Variants in AGAP1 observed in about 807,000 individuals in gnomAD.
AGAP1 encodes ArfGAP with GTPase domain, ankyrin repeat and PH domain 1.
Under a neutral mutation model 105.3 loss-of-function variants are expected in AGAP1, and 29 were observed. That is an observed-to-expected ratio of 0.28 (90% CI 0.21 to 0.38). The LOEUF (loss-of-function observed/expected upper bound fraction) is 0.38, where lower values mean the gene tolerates loss of function less well. AGAP1 is among the 10% of genes least tolerant of loss of function. AGAP1 has a pLI of 1.00. For missense variants in AGAP1, 998 were observed against 1,165.1 expected (o/e 0.86, Z 2.09); for synonymous variants, 509 against 485.9 (o/e 1.05, Z -0.63).
chr2:235,806,983 G>A (rs1204868217), intron 8 of AGAP1, among the ~76,000 whole-genome samples: 7 of 152,114 alleles, frequency 4.6e-5, no homozygotes, highest in African/African-American at 1.7e-4. Flanking sequence ...GTTGAATTTT[G>A]AACTTTTTAA....
chr2:235,607,147 A>C (rs1945969469), intron 1 of AGAP1, among the ~76,000 whole-genome samples: 1 of 151,974 alleles, frequency 6.6e-6, no homozygotes, highest in South Asian at 2.1e-4. Context: ...AAGGGGCAGA[A>C]GTGGGACCAC....
rs1454695329 is a variant in AGAP1 at position 235,927,196 on chromosome 2, A to G, written c.1325-3569A>G. 1.3e-5 allele frequency among the ~76,000 whole-genome samples: 2 copies of G among 152,174 alleles called. No homozygotes were observed. Among genetic ancestry groups the G allele is most frequent in the Admixed American group, 6.5e-5 (1 of 15,278 alleles). ...GGGCCTTCACGAGCTATAGGGCTCT[A>G]AGAGTCTGCCGTCAGAAGGATTGTG... On this transcript the variant is annotated intron_variant, in intron 11 of 17. Transcript: ENST00000304032. This position sits in a 1 kb window ranked among gnomAD's most constrained non-coding sequence, Gnocchi z 4.4.
Position 235,883,349 on chromosome 2 carries a change from T to A in AGAP1, c.1055T>A (p.Met352Lys). The A allele has an allele frequency of 6.2e-7, 1 of 1,613,988 alleles. No individual in the cohort carries two copies. The highest frequency in any genetic ancestry group is 8.5e-7 in the Non-Finnish European group (1 of 1,179,938). ...SGRAIPIKQG[M>K]LLKRSGKSLN... ...TTGGCTCTTTTTCCCTTGTAGGGCATGCTGTTGAAGCGAAGTGGCAAATCG... is the reference window on the plus strand; with the variant it reads ...TTGGCTCTTTTTCCCTTGTAGGGCAAGCTGTTGAAGCGAAGTGGCAAATCG... Residue 352 changes from methionine (M) to lysine (K), a missense_variant, in exon 10 of 18, where the codon ATG becomes AAG. Met to Lys is a moderately conservative substitution (Grantham distance 95). This residue lies in a region of AGAP1 where 735 missense variants were observed against 833.4 expected (regional missense o/e 0.88). Coordinates refer to ENST00000304032, the MANE Select transcript of AGAP1 (RefSeq NM_001037131.3). The surrounding 1 kb of genome is among the most constrained non-coding windows in gnomAD (Gnocchi z 4.5).
intron 13 of AGAP1, among the ~76,000 whole-genome samples, chr2:235,980,069 T>G (rs1237574215): frequency 6.6e-6 from 1 of 152,210 alleles, no homozygotes; most frequent in Non-Finnish European, 1.5e-5. Flanking sequence ...AATGATCTTA[T>G]TACAGTACTG....
Position 236,101,576 on chromosome 2 carries a change from G to A in AGAP1, c.2115-18616G>A, listed in dbSNP as rs1001876139. 1.3e-5 allele frequency among the ~76,000 whole-genome samples: 2 copies of A among 152,176 alleles called. No individual in the cohort carries two copies. Among genetic ancestry groups the A allele is most frequent in the African/African-American group, 4.8e-5 (2 of 41,444 alleles). On this transcript the variant is annotated intron_variant, in intron 16 of 17. Coordinates refer to ENST00000304032, the MANE Select transcript of AGAP1 (RefSeq NM_001037131.3). This position sits in a 1 kb window ranked among gnomAD's most constrained non-coding sequence, Gnocchi z 4.9. ...TTCCTCTCCCTGGTGTTTAAAGGGC[G>A]TCGGTGCACGTACAGCGAGGGCTTA...
At chr2:235,984,065 C>G (rs2055202378) in intron 13 of AGAP1, among the ~76,000 whole-genome samples, 1 of 152,206 alleles carries the variant, frequency 6.6e-6, no homozygotes, top group South Asian at 2.1e-4. Context: ...AACTCCCCAG[C>G]CCCTACTTCT....
chr2:235,624,608 C>T (rs1946582202), intron 1 of AGAP1, among the ~76,000 whole-genome samples: 1 of 152,166 alleles, frequency 6.6e-6, no homozygotes, highest in Non-Finnish European at 1.5e-5. Flanking sequence ...TGTGTGCTGG[C>T]ATTGTAATGT....
rs115773833 is a variant in AGAP1 at position 235,755,901 on chromosome 2, T to C, written c.673+5413T>C. 3.7e-3 allele frequency among the ~76,000 whole-genome samples: 566 copies of C among 152,262 alleles called. 3 individuals carry two copies. The highest frequency in any genetic ancestry group is 0.013 in the African/African-American group (544 of 41,568). On this transcript the variant is annotated intron_variant, in intron 6 of 17. Transcript: ENST00000304032. ...GAAGGGTATAGTTTTGGTGATGGGATTTTTCAGCCTACATGCTGAAAGGTC... is the reference window on the plus strand; with the variant it reads ...GAAGGGTATAGTTTTGGTGATGGGACTTTTCAGCCTACATGCTGAAAGGTC...
rs574662549 is a variant in AGAP1, at chr2:235,988,472, G to A, written c.1645+19849G>A. Among the ~76,000 whole-genome samples, 22 of 151,832 alleles carry A rather than the reference G, an allele frequency of 1.4e-4. 1 individual carries two copies. In the South Asian group the frequency reaches 3.5e-3, roughly 24 times the overall value. On this transcript the variant is annotated intron_variant, in intron 13 of 17. Coordinates refer to ENST00000304032, the MANE Select transcript of AGAP1 (RefSeq NM_001037131.3). The surrounding 1 kb of genome is among the most constrained non-coding windows in gnomAD (Gnocchi z 4.7). ...AAATGCCACCCCCAACCCCCGCCCC[G>A]AAGTCAGGAAGTGATTTCTGAACTT...
chr2:236,077,113 G>GA (rs1322057064), intron 16 of AGAP1, among the ~76,000 whole-genome samples: 1 of 63,320 alleles, frequency 1.6e-5, no homozygotes, highest in South Asian at 5.2e-4. Context: ...CTGTCTCAAA[G>GA]AAAAAAAGAG....
Position 235,930,617 on chromosome 2 carries a change from C to T in AGAP1, c.1325-148C>T, listed in dbSNP as rs891569470. On this transcript the variant is annotated intron_variant, in intron 11 of 17. Coordinates refer to ENST00000304032, the MANE Select transcript of AGAP1 (RefSeq NM_001037131.3). The surrounding 1 kb of genome is among the most constrained non-coding windows in gnomAD (Gnocchi z 7.9). ...TTCCTCCCGAATAGTTTCTGTCTGG[C>T]GCTTCCGTTTGCCATGCAGGCAGGA... The T allele has an allele frequency of 2.1e-5, 15 of 714,404 alleles. No individual in the cohort carries two copies. Among genetic ancestry groups the T allele is most frequent in the African/African-American group, 7.2e-5 (4 of 55,206 alleles). The allele number at this position is 714,404 out of a possible 1,614,324, so 44.3% of individuals were successfully genotyped here. A position where few individuals can be genotyped will look rare whatever the true frequency, so the allele number is the denominator to read the frequency against.
Position 235,714,951 on chromosome 2 carries a change from C to G in AGAP1, c.223-2606C>G, listed in dbSNP as rs1348881807. Among the ~76,000 whole-genome samples, 1 of 152,128 alleles carries G rather than the reference C, an allele frequency of 6.6e-6. No homozygotes were observed. The highest frequency in any genetic ancestry group is 1.5e-5 in the Non-Finnish European group (1 of 68,018). ...TAGCTGGGACTACAGGCGTGTGCCA[C>G]CACGCCTTGTTATTTTTTTGTAGTT... On this transcript the variant is annotated intron_variant, in intron 2 of 17. Transcript: ENST00000304032. This position sits in a 1 kb window ranked among gnomAD's most constrained non-coding sequence, Gnocchi z 4.1.
intron 1 of AGAP1, among the ~76,000 whole-genome samples, chr2:235,516,070 G>GCTGCTGCTGCTGCTGCTGCTGCTGCTC (rs1553556313): frequency 1.4e-5 from 2 of 141,854 alleles, no homozygotes; most frequent in East Asian, 2.0e-4. Flanking sequence ...TGCTGCTGCT[G>GCTGCTGCTGCTGCTGCTGCTGCTGCTC]CTGCTGCTGC....
intron 1 of AGAP1, among the ~76,000 whole-genome samples, chr2:235,527,081 A>G (rs2149065174): frequency 6.6e-6 from 1 of 152,336 alleles, no homozygotes; most frequent in East Asian, 1.9e-4. Context: ...GTGACAAGTT[A>G]GTATTTTGTC....
intron 7 of AGAP1, 105 bp downstream of exon 7, chr2:235,797,991 A>G (rs767477605): frequency 7.3e-6 from 10 of 1,375,804 alleles, no homozygotes; most frequent in Admixed American, 6.6e-5. Flanking sequence ...TTTCAACTTT[A>G]TAAGTAACAG....
chr2:236,031,940 C>T (rs1415467088), intron 13 of AGAP1, among the ~76,000 whole-genome samples: 1 of 152,184 alleles, frequency 6.6e-6, no homozygotes, highest in Non-Finnish European at 1.5e-5. Flanking sequence ...CACTGGGAGC[C>T]TCGTTCTGGG....
chr2:235,684,124 C>CT (rs1949249317), intron 1 of AGAP1, among the ~76,000 whole-genome samples: 1 of 152,170 alleles, frequency 6.6e-6, no homozygotes, highest in Non-Finnish European at 1.5e-5. Flanking sequence ...TCACTGCAAG[C>CT]TCCGCTTCCC....
rs772281828 is a variant in AGAP1 at position 235,663,175 on chromosome 2, G to C, written c.164-46004G>C. On this transcript the variant is annotated intron_variant, in intron 1 of 17. Transcript: ENST00000304032. The surrounding 1 kb of genome is among the most constrained non-coding windows in gnomAD (Gnocchi z 5.4). ...AAAATAAAAATTAGCTGGGCATGGT[G>C]GTGGGCGCCTGTGATCCCATCTACT... Among the ~76,000 whole-genome samples the C allele has an allele frequency of 1.3e-5, 2 of 152,296 alleles. No homozygotes were observed. Among genetic ancestry groups the C allele is most frequent in the Non-Finnish European group, 2.9e-5 (2 of 68,020 alleles).
In AGAP1 at chr2:235,891,636, G is replaced by A. The variant is rs1471901934; in HGVS notation, c.1155+8187G>A. Among the ~76,000 whole-genome samples, 2 of 152,184 alleles carry A rather than the reference G, an allele frequency of 1.3e-5. No homozygotes were observed. The highest frequency in any genetic ancestry group is 2.9e-5 in the Non-Finnish European group (2 of 68,040). On this transcript the variant is annotated intron_variant, in intron 10 of 17. Coordinates refer to ENST00000304032, the MANE Select transcript of AGAP1 (RefSeq NM_001037131.3). This position sits in a 1 kb window ranked among gnomAD's most constrained non-coding sequence, Gnocchi z 4.2. ...GTCGAGTGCAAGGCTGCAATTCCCT[G>A]CTGACAAAGATGTGTGCAGTGAGAT...
Sources: allele counts gnomAD v4.1 joint callset (sites outside exome capture counted in the v4.1 genomes callset), GRCh38; gene constraint gnomAD v4.1.1; regional missense constraint gnomAD v4.1.1; non-coding constraint Gnocchi (gnomAD v3.1); transcripts MANE v1.5; gene names NCBI Gene and HGNC (gene_info 2026-07-23, HGNC 2026-07-21).